The following DBF4 variants were observed in gnomAD, a reference collection of about 807,000 sequenced individuals.
DBF4 encodes the protein DBF4-CDC7 kinase regulatory subunit.
DBF4 carries 25 observed loss-of-function variants against 76.6 expected under a neutral mutation model. The ratio of observed to expected loss-of-function variants is 0.33; its 90% CI spans 0.24 to 0.46. DBF4 has a LOEUF of 0.46. Among genes scored for constraint, DBF4 ranks in the 20% least tolerant of loss-of-function variants. The probability of loss-of-function intolerance (pLI) is 1.00; values close to 1 mark genes in which losing one functional copy is unlikely to be tolerated. For missense variants in DBF4, 638 were observed against 760.8 expected (o/e 0.84, Z 1.90); for synonymous variants, 213 against 258.0 (o/e 0.83, Z 1.67).
chr7:87,899,607 A>C (rs1020710688), intron 8 of DBF4, among the ~76,000 whole-genome samples: 4 of 152,234 alleles, frequency 2.6e-5, no homozygotes, highest in Non-Finnish European at 5.9e-5. Context: ...CCAAAAAGTG[A>C]AAGTAATCCA....
chr7:87,887,475 T>C, intron 5 of DBF4, 77 bp downstream of exon 5: 1 of 1,438,388 alleles, frequency 7.0e-7, no homozygotes, highest in Non-Finnish European at 9.3e-7. Context: ...TGACTTTACA[T>C]AGTGAAATTT....
In DBF4 at chr7:87,876,631, A is replaced by G; in HGVS notation, c.-102A>G. ...TAGAGGCCGTAGCTGGCGGAAGGAG[A>G]GAGGCGGCCGTCCTGTCAACAGGCC... is the stretch of plus-strand genomic sequence containing the variant. On this transcript the variant is annotated 5_prime_UTR_variant, in exon 1 of 12. Transcript: ENST00000265728. 7.6e-7 allele frequency: 1 copy of G among 1,313,038 alleles called. No individual in the cohort carries two copies. Among genetic ancestry groups the G allele is most frequent in the Non-Finnish European group, 1.1e-6 (1 of 929,892 alleles). 81.3% of individuals were successfully genotyped at this position (1,313,038 alleles called of 1,614,324 possible).
rs776583045 is a variant in DBF4, at chr7:87,887,442, G to A, written c.520+44G>A. ...TTTTTTGACAGTATTTGTTTTAAGTGTCCATGTCTGTCCTTTGGTTCCTGA... is the reference window on the plus strand; with the variant it reads ...TTTTTTGACAGTATTTGTTTTAAGTATCCATGTCTGTCCTTTGGTTCCTGA... On this transcript the variant is annotated intron_variant, in intron 5 of 11. Transcript: ENST00000265728. 2.5e-5 allele frequency: 37 copies of A among 1,501,434 alleles called. No homozygotes were observed. The African/African-American group carries it at 3.7e-4, about 15-fold the overall frequency. 93.0% of individuals were successfully genotyped at this position (1,501,434 alleles called of 1,614,324 possible). A position where few individuals can be genotyped will look rare whatever the true frequency, so the allele number is the denominator to read the frequency against.
intron 11 of DBF4, among the ~76,000 whole-genome samples, chr7:87,906,438 T>G (rs1337281741): frequency 6.6e-6 from 1 of 151,446 alleles, no homozygotes; most frequent in East Asian, 2.0e-4. Flanking sequence ...GCAGGAAAAA[T>G]TGTATTATTT....
rs774544351 is a variant in DBF4 at position 87,907,835 on chromosome 7, T to C, written c.1697T>C (p.Met566Thr). Residue 566 changes from methionine to threonine, a missense_variant, in exon 12 of 12, where the codon ATG (methionine) becomes ACG (threonine). Transcript: ENST00000265728. ...EEPNECDFKN[M>T]DSLPSGKIHR... ...CCCAATGAATGTGACTTCAAGAATA[T>C]GGATAGTTTACCTTCTGGTAAAATA... is the stretch of plus-strand genomic sequence containing the variant. 3.1e-6 allele frequency: 5 copies of C among 1,613,892 alleles called. No homozygotes were observed. In the South Asian group the frequency reaches 3.3e-5, roughly 11 times the overall value.
chr7:87,887,429 A>G (rs1377691303), intron 5 of DBF4, 31 bp downstream of exon 5: 2 of 1,533,174 alleles, frequency 1.3e-6, no homozygotes, highest in Non-Finnish European at 1.8e-6. Flanking sequence ...TTTTGACAGT[A>G]TTTGTTTTAA....
chr7:87,907,756 C>A lies in DBF4; in HGVS notation c.1618C>A (p.Gln540Lys), dbSNP rs572985082. Residue 540 changes from glutamine to lysine, a missense_variant, in exon 12 of 12, where the codon CAA becomes AAA. Gln to Lys is a moderately conservative substitution (Grantham distance 53, BLOSUM62 1). Coordinates refer to ENST00000265728, the MANE Select transcript of DBF4 (RefSeq NM_006716.4). ...DSGLITINSS[Q>K]EHLTVQAKAP... ...TGGTCTGATAACAATAAACAGTTCA[C>A]AAGAGCACCTAACTGTTCAGGCAAA... The A allele has an allele frequency of 9.3e-6, 15 of 1,614,100 alleles. No homozygotes were observed. The Admixed American group carries it at 1.7e-4, about 18-fold the overall frequency.
At chr7:87,889,323 A>T (rs1048453748) in intron 6 of DBF4, among the ~76,000 whole-genome samples, 12 of 147,474 alleles carry the variant, frequency 8.1e-5, no homozygotes, top group African/African-American at 3.0e-4. Flanking sequence ...TCTGTCATCC[A>T]GGCTGGAGTA....
Position 87,876,497 on chromosome 7 carries a change from C to A in DBF4, c.-236C>A. 1 of 474,814 alleles carries A rather than the reference C, an allele frequency of 2.1e-6. No individual in the cohort carries two copies. Among genetic ancestry groups the A allele is most frequent in the African/African-American group, 2.0e-5 (1 of 50,052 alleles). The allele number at this position is 474,814 out of a possible 1,614,324, so 29.4% of individuals were successfully genotyped here. ...GCGGCCGCGTGACGCGTTTTCAAATCTTCAACCGCCGCAGCCCACTCGTTT... is the reference window on the plus strand; with the variant it reads ...GCGGCCGCGTGACGCGTTTTCAAATATTCAACCGCCGCAGCCCACTCGTTT... On this transcript the variant is annotated 5_prime_UTR_variant, in exon 1 of 12. Transcript: ENST00000265728.
In DBF4 at chr7:87,876,542, T is replaced by A. The variant is rs919016307; in HGVS notation, c.-191T>A. 8 of 622,720 alleles carry A rather than the reference T, an allele frequency of 1.3e-5. No individual in the cohort carries two copies. The highest frequency in any genetic ancestry group is 2.0e-5 in the Non-Finnish European group (7 of 351,630). 38.6% of individuals were successfully genotyped at this position (622,720 alleles called of 1,614,324 possible). A position where few individuals can be genotyped will look rare whatever the true frequency, so the allele number is the denominator to read the frequency against. On this transcript the variant is annotated 5_prime_UTR_variant, in exon 1 of 12. Coordinates refer to ENST00000265728, the MANE Select transcript of DBF4 (RefSeq NM_006716.4). ...TCGTTTGTGCTTTGCGCCTTCCTCC[T>A]CCGCGCCTTGGAGCCGGATCCGGCC... is the stretch of plus-strand genomic sequence containing the variant.
chr7:87,896,476 CA>C lies in DBF4; in HGVS notation c.604del (p.Arg202GlufsTer19). The stretch of plus-strand genomic sequence containing the variant: ...TTTCACTATATATTTTTTTTTAGGG[CA>C]AAAGAGTTGGTAGTGGTGCACAAAA... ...KSSTSVRDGG[K>X]RVGSGAQKTR... On this transcript the variant is annotated frameshift_variant, in exon 7 of 12. Coordinates refer to ENST00000265728, the MANE Select transcript of DBF4 (RefSeq NM_006716.4). LOFTEE classifies it high-confidence loss of function. The C allele has an allele frequency of 6.2e-7, 1 of 1,609,962 alleles. No individual in the cohort carries two copies. Among genetic ancestry groups the C allele is most frequent in the Non-Finnish European group, 8.5e-7 (1 of 1,178,386 alleles).
At chr7:87,900,941 T>A (rs1393487003) in intron 10 of DBF4, 63 bp downstream of exon 10, 22 of 1,326,352 alleles carry the variant, frequency 1.7e-5, no homozygotes, top group Non-Finnish European at 2.3e-5. Context: ...GTTTTAAATT[T>A]TAGCTTGTTA....
intron 2 of DBF4, among the ~76,000 whole-genome samples, chr7:87,883,675 G>A (rs993224080): frequency 1.3e-5 from 2 of 152,118 alleles, no homozygotes; most frequent in Non-Finnish European, 2.9e-5. Flanking sequence ...TAACCAAGGA[G>A]GCCACTGGTC....
intron 2 of DBF4, among the ~76,000 whole-genome samples, chr7:87,884,551 T>C (rs1839295909): frequency 6.6e-6 from 1 of 152,216 alleles, no homozygotes; most frequent in Non-Finnish European, 1.5e-5. Flanking sequence ...GCAGAAAATG[T>C]AGATAGTATC....
chr7:87,907,517 G>T lies in DBF4; in HGVS notation c.1379G>T (p.Cys460Phe). 1 of 1,614,054 alleles carries T rather than the reference G, an allele frequency of 6.2e-7. No individual in the cohort carries two copies. Among genetic ancestry groups the T allele is most frequent in the South Asian group, 1.1e-5 (1 of 91,064 alleles). ...CCTCTACATAAAAACAAACAGGAATGCATTCTTGACATTTCCGAACACACA... is the reference window on the plus strand; with the variant it reads ...CCTCTACATAAAAACAAACAGGAATTCATTCTTGACATTTCCGAACACACA... The part of the protein sequence containing the change: ...QLPLHKNKQE[C>F]ILDISEHTLS... The change falls in exon 12 of 12, where the codon TGC (cysteine) becomes TTC (phenylalanine). Residue 460 changes from cysteine to phenylalanine, a missense_variant. Transcript: ENST00000265728.
chr7:87,888,973 G>A (rs370230457), intron 6 of DBF4, among the ~76,000 whole-genome samples: 18 of 152,176 alleles, frequency 1.2e-4, no homozygotes, highest in African/African-American at 3.9e-4. Flanking sequence ...TGATAAGAGT[G>A]TATATAGAGA....
chr7:87,876,651 C>G lies in DBF4; in HGVS notation c.-82C>G, dbSNP rs954163322. On this transcript the variant is annotated 5_prime_UTR_variant, in exon 1 of 12. Transcript: ENST00000265728. ...AGGAGAGAGGCGGCCGTCCTGTCAA[C>G]AGGCCGGGGGAAGCCGTGCTTTCGC... 1.3e-6 allele frequency: 2 copies of G among 1,521,418 alleles called. No homozygotes were observed. Among genetic ancestry groups the G allele is most frequent in the African/African-American group, 1.4e-5 (1 of 72,992 alleles). The allele number at this position is 1,521,418 out of a possible 1,614,324, so 94.2% of individuals were successfully genotyped here.
chr7:87,893,186 G>C (rs1404874948), intron 6 of DBF4, among the ~76,000 whole-genome samples: 1 of 148,456 alleles, frequency 6.7e-6, no homozygotes, highest in Non-Finnish European at 1.5e-5. Context: ...TTCTAGTACA[G>C]TTTTGAGTCA....
At chr7:87,876,925 C>G (rs1393367693) in intron 1 of DBF4, 147 bp downstream of exon 1, 1 of 849,552 alleles carries the variant, frequency 1.2e-6, no homozygotes, top group Admixed American at 2.4e-5. Flanking sequence ...AGCCCCCGTT[C>G]AGTGTTTTGC....
Sources: gnomAD v4.1 joint callset for allele counts (sites outside exome capture counted in the v4.1 genomes callset) on GRCh38, gnomAD v4.1.1 for gene constraint, MANE v1.5 for transcripts, NCBI Gene and HGNC (gene_info 2026-07-23, HGNC 2026-07-21) for gene names.